DOCK4: variants seen among roughly 807,000 people sequenced by gnomAD.
DOCK4 encodes the protein dedicator of cytokinesis protein 4.
DOCK4 carries 97 observed loss-of-function variants against 268.1 expected under a neutral mutation model. The ratio of observed to expected loss-of-function variants is 0.36; its 90% CI spans 0.31 to 0.43. The LOEUF is 0.43. Ranked by LOEUF, DOCK4 falls within the 20% of genes least tolerant of loss-of-function variation. The pLI, the probability that DOCK4 is intolerant of heterozygous loss-of-function variation, is 1.00. For missense variants in DOCK4, 2,145 were observed against 2,455.7 expected (o/e 0.87, Z 2.67); for synonymous variants, 954 against 887.2 (o/e 1.08, Z -1.34).
At chr7:111,790,379 G>A in intron 31 of DOCK4, 78 bp downstream of exon 31, 1 of 1,538,070 alleles carries the variant, frequency 6.5e-7, no homozygotes, top group Non-Finnish European at 8.8e-7. Flanking sequence ...TCCCAAGTTG[G>A]AGTTGAATCC....
chr7:112,160,639 C>G (rs1477025090), intron 1 of DOCK4, among the ~76,000 whole-genome samples: 2 of 152,212 alleles, frequency 1.3e-5, no homozygotes, highest in African/African-American at 2.4e-5. Flanking sequence ...TGGGTTATCT[C>G]CTTAAGCAGG....
In DOCK4 at chr7:112,067,194, C is replaced by T. The variant is rs1459944602; in HGVS notation, c.38-63063G>A. Among the ~76,000 whole-genome samples, 12 of 137,090 alleles carry T rather than the reference C, an allele frequency of 8.8e-5. No individual in the cohort carries two copies. The Admixed American group carries it at 9.1e-4, about 10-fold the overall frequency. 89.9% of individuals were successfully genotyped at this position (137,090 alleles called of 152,430 possible). A position where few individuals can be genotyped will look rare whatever the true frequency, so the allele number is the denominator to read the frequency against. On this transcript the variant is annotated intron_variant, in intron 1 of 52. Transcript: ENST00000428084. ...TCAAAAAACACCCAAAAAAGTTACA[C>T]AATAAACATTATTATATTTATAATC... is the stretch of plus-strand genomic sequence containing the variant.
chr7:112,193,598 T>TAAAAA (rs564039337), intron 1 of DOCK4, among the ~76,000 whole-genome samples: 1 of 132,192 alleles, frequency 7.6e-6, no homozygotes. Context: ...GACCATGCCT[T>TAAAAA]AAAAAAAAAA....
chr7:111,755,557 C>T lies in DOCK4; in HGVS notation c.4374G>A (p.Leu1458=), dbSNP rs767745831. 6.2e-7 allele frequency: 1 copy of T among 1,613,942 alleles called. No homozygotes were observed. The highest frequency in any genetic ancestry group is 1.1e-5 in the South Asian group (1 of 91,056). Residue 1458 remains leucine, a synonymous_variant, in exon 42 of 53, where the codon TTG becomes TTA. Coordinates refer to ENST00000428084, the MANE Select transcript of DOCK4 (RefSeq NM_001363540.2). ...ERTSLYLVQS[L]PGISRWFEVE... ...CTTCAAACCAGCGAGAGATGCCAGGCAAACTCTGCACCAAGTATAATGACG... is the reference window on the plus strand; with the variant it reads ...CTTCAAACCAGCGAGAGATGCCAGGTAAACTCTGCACCAAGTATAATGACG...
chr7:112,044,917 A>C (rs1804707433), intron 1 of DOCK4, among the ~76,000 whole-genome samples: 1 of 152,146 alleles, frequency 6.6e-6, no homozygotes, highest in African/African-American at 2.4e-5. Context: ...CCCTCAGACC[A>C]TGAGCCTCTT....
intron 1 of DOCK4, among the ~76,000 whole-genome samples, chr7:112,103,173 GTT>G: frequency 6.6e-6 from 1 of 151,802 alleles, no homozygotes; most frequent in African/African-American, 2.4e-5. Flanking sequence ...ATGAATCACT[GTT>G]TATCATTTTC....
Position 111,727,100 on chromosome 7 carries a change from C to A in DOCK4, c.*1174G>T, listed in dbSNP as rs1033683689. On this transcript the variant is annotated 3_prime_UTR_variant, in exon 53 of 53. Coordinates refer to ENST00000428084, the MANE Select transcript of DOCK4 (RefSeq NM_001363540.2). ...AAGATATAAAATACATTACTACATA[C>A]AAGGTGCTTTTTTCACACTTCTACA... 2 of 152,630 alleles carry A rather than the reference C, an allele frequency of 1.3e-5. No individual in the cohort carries two copies. The highest frequency in any genetic ancestry group is 6.5e-5 in the Admixed American group (1 of 15,286). The allele number at this position is 152,630 out of a possible 1,614,324, so 9.5% of individuals were successfully genotyped here. A position where few individuals can be genotyped will look rare whatever the true frequency, so the allele number is the denominator to read the frequency against.
chr7:111,780,858 C>T (rs17158817), intron 35 of DOCK4, among the ~76,000 whole-genome samples: 2,655 of 152,246 alleles, frequency 0.017, 86 homozygotes, highest in African/African-American at 0.06. Flanking sequence ...AGATTTGCTT[C>T]TTTAATAAGT....
chr7:111,911,697 A>C (rs1030732742), intron 13 of DOCK4, among the ~76,000 whole-genome samples: 1 of 152,202 alleles, frequency 6.6e-6, no homozygotes, highest in Non-Finnish European at 1.5e-5. Context: ...CAGACAATTA[A>C]TCAGCCAGTG....
chr7:111,824,238 C>T (rs962565831), intron 26 of DOCK4, among the ~76,000 whole-genome samples: 2 of 152,114 alleles, frequency 1.3e-5, no homozygotes, highest in Non-Finnish European at 2.9e-5. Flanking sequence ...CTTTCTAATG[C>T]ATTTCTGAAA....
intron 12 of DOCK4, among the ~76,000 whole-genome samples, chr7:111,931,630 C>G (rs565150114): frequency 6.6e-6 from 1 of 152,078 alleles, no homozygotes; most frequent in Non-Finnish European, 1.5e-5. Context: ...TAGAAGGGGT[C>G]GGTTCAATGA....
chr7:111,840,768 G>A, intron 25 of DOCK4: 4 of 1,303,456 alleles, frequency 3.1e-6, no homozygotes, highest in Non-Finnish European at 4.0e-6. Flanking sequence ...CTCACAGTGT[G>A]TCTACTTGTC....
chr7:111,925,739 T>C (rs1793556869), intron 12 of DOCK4, among the ~76,000 whole-genome samples: 1 of 152,198 alleles, frequency 6.6e-6, no homozygotes, highest in African/African-American at 2.4e-5. Flanking sequence ...TGCTTAAATT[T>C]GGGATGTATC....
intron 13 of DOCK4, among the ~76,000 whole-genome samples, chr7:111,913,133 T>C (rs956051447): frequency 6.6e-6 from 1 of 151,622 alleles, no homozygotes; most frequent in Non-Finnish European, 1.5e-5. Flanking sequence ...CCGGCTAATT[T>C]TTTGTATTTT....
rs746118159 is a variant in DOCK4, at chr7:111,895,655, C to A, written c.1544G>T (p.Gly515Val). 1.9e-6 allele frequency: 3 copies of A among 1,613,814 alleles called. No homozygotes were observed. The African/African-American group carries it at 4.0e-5, about 22-fold the overall frequency. Residue 515 changes from glycine to valine, a missense_variant, in exon 16 of 53, where the codon GGT becomes GTT. This residue lies in a region of DOCK4 where 1,598 missense variants were observed against 1,986.7 expected (regional missense o/e 0.80). Transcript: ENST00000428084. ...FSFVPLMQED[G>V]RTLPDGTHEL... ...ATGAGTGCCATCTGGAAGAGTCCTA[C>A]CATCTTCTTGCATCAGAGGGACAAA... is the stretch of plus-strand genomic sequence containing the variant.
intron 36 of DOCK4, among the ~76,000 whole-genome samples, chr7:111,776,012 A>G (rs985402979): frequency 1.3e-5 from 2 of 152,242 alleles, no homozygotes; most frequent in Non-Finnish European, 2.9e-5. Context: ...AAGGTGCACA[A>G]GTGTAGAACA....
intron 1 of DOCK4, among the ~76,000 whole-genome samples, chr7:112,115,604 C>G (rs560399879): frequency 6.6e-6 from 1 of 152,034 alleles, no homozygotes; most frequent in African/African-American, 2.4e-5. Context: ...GACAGAGATC[C>G]AACATATGCC....
At chr7:111,947,469 T>TGGCCAATAAGGCATACATG (rs543619379) in intron 8 of DOCK4, among the ~76,000 whole-genome samples, 426 of 152,306 alleles carry the variant, frequency 2.8e-3, no homozygotes, top group African/African-American at 0.01. Flanking sequence ...TTATTACCTA[T>TGGCCAATAAGGCATACATG]ATTTTTTCCC....
At chr7:112,063,615 C>T (rs546413733) in intron 1 of DOCK4, among the ~76,000 whole-genome samples, 14 of 152,236 alleles carry the variant, frequency 9.2e-5, no homozygotes, top group South Asian at 8.3e-4. Context: ...AATGCATATT[C>T]GCTTTTGTAG....
Sources: allele counts gnomAD v4.1 joint callset (sites outside exome capture counted in the v4.1 genomes callset), GRCh38; gene constraint gnomAD v4.1.1; regional missense constraint gnomAD v4.1.1; transcripts MANE v1.5; gene names NCBI Gene and HGNC (gene_info 2026-07-23, HGNC 2026-07-21).